The following DNAH6 variants were observed in gnomAD, a reference collection of about 807,000 sequenced individuals.
DNAH6 encodes dynein axonemal heavy chain 6, also known as axonemal beta dynein heavy chain 6.
Under a neutral mutation model 491.4 loss-of-function variants are expected in DNAH6, and 340 were observed. The ratio of observed to expected loss-of-function variants is 0.69; its 90% CI spans 0.63 to 0.76. The LOEUF (loss-of-function observed/expected upper bound fraction) is 0.76. DNAH6 is among the 30% of genes least tolerant of loss of function. The probability of loss-of-function intolerance (pLI) is 0.00; values close to 1 mark genes in which losing one functional copy is unlikely to be tolerated. For missense variants in DNAH6, 4,443 were observed against 4,972.2 expected (o/e 0.89, Z 3.20); for synonymous variants, 1,603 against 1,686.1 (o/e 0.95, Z 1.21).
intron 63 of DNAH6, among the ~76,000 whole-genome samples, chr2:84,760,535 G>A (rs533946435): frequency 6.6e-6 from 1 of 152,132 alleles, no homozygotes; most frequent in South Asian, 2.1e-4. Context: ...CATACAAATG[G>A]CTAACAGGTA....
At chr2:84,699,949 T>C (rs189644443) in intron 48 of DNAH6, among the ~76,000 whole-genome samples, 1 of 152,314 alleles carries the variant, frequency 6.6e-6, no homozygotes, top group East Asian at 1.9e-4. Context: ...GTGGAAGTTA[T>C]CAGCTATCTT....
At chr2:84,714,025 T>C (rs934394324) in intron 57 of DNAH6, among the ~76,000 whole-genome samples, 1 of 152,126 alleles carries the variant, frequency 6.6e-6, no homozygotes, top group Non-Finnish European at 1.5e-5. Context: ...TGGGACTCCA[T>C]TGCCCCTCCC....
intron 18 of DNAH6, among the ~76,000 whole-genome samples, chr2:84,600,270 CAAT>C (rs775119888): frequency 6.6e-6 from 1 of 152,104 alleles, no homozygotes; most frequent in Non-Finnish European, 1.5e-5. Flanking sequence ...AAAGTTATAA[CAAT>C]AATACCAAGG....
intron 15 of DNAH6, among the ~76,000 whole-genome samples, chr2:84,586,280 T>C (rs1164145132): frequency 2.0e-5 from 3 of 152,188 alleles, no homozygotes; most frequent in African/African-American, 7.2e-5. Flanking sequence ...AAGCTCCCAC[T>C]TGTCCCTAAC....
At chr2:84,784,889 G>GCCTGC in intron 66 of DNAH6, 79 bp downstream of exon 66, 2 of 1,014,090 alleles carry the variant, frequency 2.0e-6, no homozygotes, top group Non-Finnish European at 3.0e-6. Flanking sequence ...GGAGATCAGA[G>GCCTGC]CCTGCACAGA....
intron 22 of DNAH6, among the ~76,000 whole-genome samples, chr2:84,615,326 C>A (rs1353613166): frequency 6.6e-6 from 1 of 152,028 alleles, no homozygotes; most frequent in East Asian, 1.9e-4. Context: ...TTTGCTTTGT[C>A]AAAGATCAGT....
chr2:84,811,794 G>A (rs1174428467), intron 72 of DNAH6, among the ~76,000 whole-genome samples: 1 of 151,462 alleles, frequency 6.6e-6, no homozygotes, highest in African/African-American at 2.4e-5. Flanking sequence ...CCAGGAGGAG[G>A]AGGTTGCAGT....
At chr2:84,689,716 A>G (rs1694654843) in intron 45 of DNAH6, among the ~76,000 whole-genome samples, 1 of 152,220 alleles carries the variant, frequency 6.6e-6, no homozygotes, top group Non-Finnish European at 1.5e-5. Flanking sequence ...GATGGAATCA[A>G]AGAGCAAGTA....
rs778445395 is a variant in DNAH6 at position 84,722,613 on chromosome 2, A to G, written c.9793-12A>G. 8 of 1,534,940 alleles carry G rather than the reference A, an allele frequency of 5.2e-6. No individual in the cohort carries two copies. In the Admixed American group the frequency reaches 1.1e-4, roughly 21 times the overall value. The stretch of plus-strand genomic sequence containing the variant: ...CAGATCCCTAAGAACTTGTTATTGT[A>G]TGTTTATTCAGATCACTTCTGGTGC... On this transcript the variant is annotated splice_polypyrimidine_tract_variant and intron_variant, in intron 59 of 76. Coordinates refer to ENST00000389394, the MANE Select transcript of DNAH6 (RefSeq NM_001370.2).
At chr2:84,671,418 C>G (rs1190142265) in intron 39 of DNAH6, among the ~76,000 whole-genome samples, 1 of 152,214 alleles carries the variant, frequency 6.6e-6, no homozygotes, top group Non-Finnish European at 1.5e-5. Context: ...AGTCCACAGT[C>G]TCTGGGGTGG....
chr2:84,593,595 G>A (rs1052161737), intron 16 of DNAH6, among the ~76,000 whole-genome samples: 1 of 152,118 alleles, frequency 6.6e-6, no homozygotes, highest in Admixed American at 6.6e-5. Flanking sequence ...TTTAAGTACA[G>A]AAGCCCAATG....
chr2:84,498,276 A>G, the DNAH6 span, among the ~76,000 whole-genome samples: 1 of 152,294 alleles, frequency 6.6e-6, no homozygotes, highest in African/African-American at 2.4e-5. Context: ...TAGAGTTCTC[A>G]AACTCACTTT....
intron 4 of DNAH6, among the ~76,000 whole-genome samples, chr2:84,534,033 T>A (rs538847223): frequency 6.6e-6 from 1 of 152,242 alleles, no homozygotes; most frequent in East Asian, 1.9e-4. Flanking sequence ...AAAGAGAACC[T>A]TCTTATTAAT....
chr2:84,651,892 T>C (rs1690483955), intron 33 of DNAH6, among the ~76,000 whole-genome samples: 1 of 152,090 alleles, frequency 6.6e-6, no homozygotes, highest in South Asian at 2.1e-4. Context: ...TTACAGCTGT[T>C]GCTTTTTCAA....
At chr2:84,658,643 T>A (rs1401921545) in intron 36 of DNAH6, among the ~76,000 whole-genome samples, 169 bp downstream of exon 36, 3 of 152,148 alleles carry the variant, frequency 2.0e-5, no homozygotes, top group Non-Finnish European at 4.4e-5. Context: ...CTACAAGTAA[T>A]GTTAGCATGT....
chr2:84,790,238 T>A (rs1049108695), intron 68 of DNAH6, among the ~76,000 whole-genome samples: 6 of 152,184 alleles, frequency 3.9e-5, no homozygotes, highest in Non-Finnish European at 8.8e-5. Flanking sequence ...TGGACCCTTA[T>A]ACCATACACA....
chr2:84,518,004 C>T lies in DNAH6; in HGVS notation c.178C>T (p.Gln60Ter). 6.4e-7 allele frequency: 1 copy of T among 1,551,338 alleles called. No homozygotes were observed. The highest frequency in any genetic ancestry group is 2.4e-5 in the East Asian group (1 of 40,902). Residue 60 changes from glutamine to a stop codon, truncating the protein, a stop_gained, in exon 2 of 77, where the codon CAG (glutamine) becomes TAG (stop). Transcript: ENST00000389394. LOFTEE classifies it high-confidence loss of function. ...ILTFRHITKA[Q>*]EKTRKRQQPI... Reference sequence around the variant, plus strand: ...AACGTTTAGGCACATTACAAAAGCTCAGGAGAAGACAAGAAAACGACAGCA... The same window carrying T: ...AACGTTTAGGCACATTACAAAAGCTTAGGAGAAGACAAGAAAACGACAGCA...
chr2:84,815,949 C>T lies in DNAH6; in HGVS notation c.12239C>T (p.Ala4080Val). 1 of 1,551,868 alleles carries T rather than the reference C, an allele frequency of 6.4e-7. No individual in the cohort carries two copies. Among genetic ancestry groups the T allele is most frequent in the Non-Finnish European group, 8.7e-7 (1 of 1,147,016 alleles). ...WDDKEMVIED[A>V]LPGQMNPVLP... ...GATAAGGAGATGGTGATAGAAGATGCATTGCCCGGACAGATGAATCCAGTG... is the reference window on the plus strand; with the variant it reads ...GATAAGGAGATGGTGATAGAAGATGTATTGCCCGGACAGATGAATCCAGTG... Residue 4080 changes from alanine (A) to valine (V), a missense_variant, in exon 76 of 77, where the codon GCA becomes GTA. Physicochemically the swap from Ala to Val is moderately conservative, Grantham distance 64 (BLOSUM62 0). Coordinates refer to ENST00000389394, the MANE Select transcript of DNAH6 (RefSeq NM_001370.2).
upstream of DNAH6, among the ~76,000 whole-genome samples, chr2:84,514,867 T>TCACACACACACACACACACACACACACA (rs58335460): frequency 3.6e-5 from 5 of 139,006 alleles, no homozygotes; most frequent in African/African-American, 1.4e-4. Flanking sequence ...TTCACCACAG[T>TCACACACACACACACACACACACACACA]CACACACACA....
Sources: gnomAD v4.1 joint callset for allele counts (sites outside exome capture counted in the v4.1 genomes callset) on GRCh38, gnomAD v4.1.1 for gene constraint, MANE v1.5 for transcripts, NCBI Gene and HGNC (gene_info 2026-07-23, HGNC 2026-07-21) for gene names.